MMP2: variants seen among roughly 807,000 people sequenced by gnomAD.
The protein encoded by MMP2 is matrix metallopeptidase 2, also known as 72 kDa type IV collagenase.
MMP2 carries 39 observed loss-of-function variants against 74.8 expected under a neutral mutation model. The observed-to-expected ratio is 0.52, with a 90% CI of 0.40 to 0.68. The LOEUF (loss-of-function observed/expected upper bound fraction) is 0.68, where lower values mean the gene tolerates loss of function less well. MMP2 is among the 30% of genes least tolerant of loss of function. The pLI is 0.00. For missense variants in MMP2, 803 were observed against 878.3 expected (o/e 0.91, Z 1.08); for synonymous variants, 367 against 339.8 (o/e 1.08, Z -0.88).
At chr16:55,504,455 T>G (rs1444626125) in intron 12 of MMP2, among the ~76,000 whole-genome samples, 1 of 152,168 alleles carries the variant, frequency 6.6e-6, no homozygotes, top group Non-Finnish European at 1.5e-5. Flanking sequence ...GTTATCTGAC[T>G]TAATGCTCAC....
In MMP2 at chr16:55,502,851, C is replaced by G. The variant is rs11541998; in HGVS notation, c.1842C>G (p.Pro614=). The change falls in exon 12 of 13, where the codon CCC becomes CCG. Residue 614 remains proline, a synonymous_variant. Coordinates refer to ENST00000219070, the MANE Select transcript of MMP2 (RefSeq NM_004530.6). Reference sequence around the variant, plus strand: ...TCGCAGATGCCTGGAATGCCATCCCCGATAACCTGGATGCCGTCGTGGACC... The same window carrying G: ...TCGCAGATGCCTGGAATGCCATCCCGGATAACCTGGATGCCGTCGTGGACC... ...KLIADAWNAI[P]DNLDAVVDLQ... The G allele has an allele frequency of 0.099, 159,289 of 1,613,442 alleles. 8,918 individuals are homozygous for G. Among genetic ancestry groups the G allele is most frequent in the Non-Finnish European group, 0.12 (136,913 of 1,179,522 alleles).
chr16:55,483,904 C>T (rs1298001189), intron 2 of MMP2, 112 bp from the exon 3 acceptor site: 3 of 1,139,558 alleles, frequency 2.6e-6, no homozygotes, highest in South Asian at 1.3e-5. Context: ...TGTATGTTCA[C>T]ATACACACAC....
At chr16:55,497,208 A>G (rs1263975479) in intron 10 of MMP2, 146 bp downstream of exon 10, 12 of 1,137,142 alleles carry the variant, frequency 1.1e-5, no homozygotes, top group Non-Finnish European at 1.4e-5. Flanking sequence ...TCATTCTTTC[A>G]ACATTATTTC....
chr16:55,493,241 G>A lies in MMP2; in HGVS notation c.1420G>A (p.Val474Ile), dbSNP rs755747488. The change falls in exon 9 of 13, where the codon GTA (valine) becomes ATA (isoleucine). Residue 474 changes from valine to isoleucine, a missense_variant. Physicochemically the swap from Val to Ile is conservative, Grantham distance 29. Around this residue, in one of 3 missense-constraint regions of MMP2, gnomAD observed 555 missense variants for 592.0 expected, o/e 0.94. Coordinates refer to ENST00000219070, the MANE Select transcript of MMP2 (RefSeq NM_004530.6). ...TCCTGAGATCTGCAAACAGGACATT[G>A]TATTTGATGGCATCGCTCAGATCCG... Reference protein sequence around the residue: ...VTPEICKQDIVFDGIAQIRGE... With the variant: ...VTPEICKQDIIFDGIAQIRGE... 6.2e-6 allele frequency: 10 copies of A among 1,614,054 alleles called. No homozygotes were observed. The South Asian group carries it at 1.1e-4, about 18-fold the overall frequency.
At chr16:55,493,052 G>T in intron 8 of MMP2, 106 bp from the exon 9 acceptor site, 1 of 1,406,912 alleles carries the variant, frequency 7.1e-7, no homozygotes, top group Non-Finnish European at 9.9e-7. Context: ...GCCAGAAGGC[G>T]ATTTCTTCTG....
In MMP2 at chr16:55,493,231, A is replaced by G; in HGVS notation, c.1410A>G (p.Lys470=). 2 of 1,614,156 alleles carry G rather than the reference A, an allele frequency of 1.2e-6. No individual in the cohort carries two copies. The highest frequency in any genetic ancestry group is 1.1e-5 in the South Asian group (1 of 91,078). Residue 470 remains lysine, a synonymous_variant, in exon 9 of 13, where the codon AAA becomes AAG. Coordinates refer to ENST00000219070, the MANE Select transcript of MMP2 (RefSeq NM_004530.6). ...TLGPVTPEIC[K]QDIVFDGIAQ... is the part of the protein sequence containing the mutation. ...GCCCTGTCACTCCTGAGATCTGCAA[A>G]CAGGACATTGTATTTGATGGCATCG...
chr16:55,481,106 A>C (rs17859844), intron 1 of MMP2, among the ~76,000 whole-genome samples: 1 of 152,202 alleles, frequency 6.6e-6, no homozygotes, highest in African/African-American at 2.4e-5. Context: ...CAAATTTATT[A>C]AGAAGGTAAA....
chr16:55,483,037 C>A lies in MMP2; in HGVS notation c.282C>A (p.Ile94=), dbSNP rs766549688. The A allele has an allele frequency of 6.2e-7, 1 of 1,614,194 alleles. No individual in the cohort carries two copies. ...CAGGTGATCTTGACCAGAATACCAT[C>A]GAGACCATGCGGAAGCCACGCTGCG... The part of the protein sequence containing the change: ...PQTGDLDQNT[I]ETMRKPRCGN... Residue 94 remains isoleucine, a synonymous_variant, in exon 2 of 13, where the codon ATC becomes ATA. Coordinates refer to ENST00000219070, the MANE Select transcript of MMP2 (RefSeq NM_004530.6).
Position 55,485,641 on chromosome 16 carries a change from C to T in MMP2, c.696C>T (p.Tyr232=), listed in dbSNP as rs911282427. The T allele has an allele frequency of 3.7e-6, 6 of 1,614,030 alleles. No homozygotes were observed. The highest frequency in any genetic ancestry group is 5.1e-6 in the Non-Finnish European group (6 of 1,180,026). ...RVKYGNADGE[Y]CKFPFLFNGK... is the part of the protein sequence containing the mutation. ...AGTATGGGAACGCCGATGGGGAGTACTGCAAGTTCCCCTTCTTGTTCAATG... is the reference window on the plus strand; with the variant it reads ...AGTATGGGAACGCCGATGGGGAGTATTGCAAGTTCCCCTTCTTGTTCAATG... The change falls in exon 5 of 13, where the codon TAC becomes TAT. Residue 232 remains tyrosine, a synonymous_variant. Transcript: ENST00000219070.
Position 55,498,450 on chromosome 16 carries a change from T to C in MMP2, c.1769+2T>C. 6.2e-7 allele frequency: 1 copy of C among 1,613,916 alleles called. No homozygotes were observed. Among genetic ancestry groups the C allele is most frequent in the Non-Finnish European group, 8.5e-7 (1 of 1,179,982 alleles). Reference sequence around the variant, plus strand: ...CTTTGCTGGAGACAAATTCTGGAGGTAAGGGAGGGCGGTGGGTAGGACAGC... The same window carrying C: ...CTTTGCTGGAGACAAATTCTGGAGGCAAGGGAGGGCGGTGGGTAGGACAGC... On this transcript the variant is annotated splice_donor_variant, in intron 11 of 12. Transcript: ENST00000219070. LOFTEE classifies it high-confidence loss of function.
chr16:55,486,183 T>C (rs1404620345), intron 5 of MMP2, among the ~76,000 whole-genome samples: 1 of 152,180 alleles, frequency 6.6e-6, no homozygotes, highest in African/African-American at 2.4e-5. Context: ...GAGGAAAGGC[T>C]TGCTGGTAGC....
intron 12 of MMP2, among the ~76,000 whole-genome samples, chr16:55,504,105 C>T (rs890409299): frequency 2.0e-5 from 3 of 152,090 alleles, no homozygotes; most frequent in African/African-American, 7.2e-5. Context: ...CTGCAGTGAG[C>T]CGTGTTCATG....
intron 11 of MMP2, among the ~76,000 whole-genome samples, chr16:55,500,132 T>G (rs1262802948): frequency 6.6e-6 from 1 of 152,086 alleles, no homozygotes; most frequent in Admixed American, 6.5e-5. Flanking sequence ...CTAAGCTGAT[T>G]GATATCTCAA....
At position 55,505,661 on chromosome 16, in the gene MMP2, C is replaced by G; in HGVS notation, c.*219C>G. 1 of 594,734 alleles carries G rather than the reference C, an allele frequency of 1.7e-6. No homozygotes were observed. The highest frequency in any genetic ancestry group is 3.0e-6 in the Non-Finnish European group (1 of 332,710). The allele number at this position is 594,734 out of a possible 1,614,324, so 36.8% of individuals were successfully genotyped here. On this transcript the variant is annotated 3_prime_UTR_variant, in exon 13 of 13. Coordinates refer to ENST00000219070, the MANE Select transcript of MMP2 (RefSeq NM_004530.6). ...GTACTCCTCCCAGGCGCCCCTTCCC[C>G]CTCCAATCCCACCAACCCTCAGAGC... is the stretch of plus-strand genomic sequence containing the variant.
rs747826521 is a variant in MMP2 at position 55,498,434 on chromosome 16, A to G, written c.1755A>G (p.Gly585=). 16 of 1,614,210 alleles carry G rather than the reference A, an allele frequency of 9.9e-6. No individual in the cohort carries two copies. Among genetic ancestry groups the G allele is most frequent in the Non-Finnish European group, 1.3e-5 (15 of 1,180,038 alleles). The part of the protein sequence containing the change: ...SKNKKTYIFA[G]DKFWRYNEVK... Reference sequence around the variant, plus strand: ...ACAAGAAGACATACATCTTTGCTGGAGACAAATTCTGGAGGTAAGGGAGGG... The same window carrying G: ...ACAAGAAGACATACATCTTTGCTGGGGACAAATTCTGGAGGTAAGGGAGGG... Residue 585 remains glycine, a synonymous_variant, in exon 11 of 13, where the codon GGA becomes GGG. Transcript: ENST00000219070.
At chr16:55,484,867 G>T (rs1160213085) in intron 3 of MMP2, among the ~76,000 whole-genome samples, 1 of 152,204 alleles carries the variant, frequency 6.6e-6, no homozygotes, top group African/African-American at 2.4e-5. Context: ...GACAAGGTGG[G>T]CATGAGGATT....
intron 2 of MMP2, 81 bp downstream of exon 2, chr16:55,483,216 AG>A: frequency 5.4e-6 from 6 of 1,121,408 alleles, no homozygotes; most frequent in Non-Finnish European, 6.5e-6. Context: ...CTCTCCACTC[AG>A]GGGATCCATG....
At chr16:55,483,947 A>T in intron 2 of MMP2, 69 bp from the exon 3 acceptor site, 1 of 1,543,508 alleles carries the variant, frequency 6.5e-7, no homozygotes, top group Admixed American at 1.7e-5. Flanking sequence ...CTGTGCACAC[A>T]CACATACTTG....
At chr16:55,481,293 G>A (rs1962091516) in intron 1 of MMP2, among the ~76,000 whole-genome samples, 1 of 152,070 alleles carries the variant, frequency 6.6e-6, no homozygotes, top group Non-Finnish European at 1.5e-5. Context: ...GACCATATAG[G>A]GTAACTTCTC....
Sources: allele counts gnomAD v4.1 joint callset (sites outside exome capture counted in the v4.1 genomes callset), GRCh38; gene constraint gnomAD v4.1.1; regional missense constraint gnomAD v4.1.1; transcripts MANE v1.5; gene names NCBI Gene and HGNC (gene_info 2026-07-23, HGNC 2026-07-21).